Variants in XYLT1 observed in about 807,000 individuals in gnomAD.
The protein encoded by XYLT1 is xylosyltransferase 1.
In XYLT1, 36 loss-of-function variants were observed where a neutral mutation model predicts 91.3. The ratio of observed to expected loss-of-function variants is 0.39; its 90% confidence interval spans 0.30 to 0.52. XYLT1 has a LOEUF of 0.52. XYLT1 is among the 20% of genes least tolerant of loss of function. The pLI, the probability that XYLT1 is intolerant of heterozygous loss-of-function variation, is 0.68. For missense variants in XYLT1, 1,242 were observed against 1,284.5 expected, an observed-to-expected ratio of 0.97 and a Z score of 0.51; for synonymous variants, 588 against 532.0, an observed-to-expected ratio of 1.11 and a Z score of -1.45.
rs536812624 is a variant in XYLT1 at position 17,104,121 on chromosome 16, A to T, written c.*4574T>A. 1 of 152,896 alleles carries T rather than the reference A, an allele frequency of 6.5e-6. No individual in the cohort carries two copies. Among genetic ancestry groups the T allele is most frequent in the Admixed American group, 6.5e-5 (1 of 15,308 alleles). 9.5% of individuals were successfully genotyped at this position (152,896 alleles called of 1,614,324 possible). A position where few individuals can be genotyped will look rare whatever the true frequency, so the allele number is the denominator to read the frequency against. ...TAAGGTAACTGAGGCAGAAGCAAAC[A>T]GGACATCCCGTGAGCCAGCACAGCT... On this transcript the variant is annotated 3_prime_UTR_variant, in exon 12 of 12. Coordinates refer to ENST00000261381, the MANE Select transcript of XYLT1 (RefSeq NM_022166.4).
chr16:17,391,066 A>G (rs951896426), intron 1 of XYLT1, among the ~76,000 whole-genome samples: 3 of 152,104 alleles, frequency 2.0e-5, no homozygotes, highest in Non-Finnish European at 4.4e-5. Flanking sequence ...ACAAACAAAC[A>G]AAAAACCTGA....
At chr16:17,310,993 A>T (rs529333143) in intron 2 of XYLT1, among the ~76,000 whole-genome samples, 48 of 152,296 alleles carry the variant, frequency 3.2e-4, no homozygotes, top group African/African-American at 1.1e-3. Flanking sequence ...GAGCACGGAG[A>T]AAAAGGTGAA....
intron 6 of XYLT1, among the ~76,000 whole-genome samples, chr16:17,154,300 G>A (rs1597155763): frequency 2.0e-5 from 3 of 152,198 alleles, no homozygotes; most frequent in Non-Finnish European, 4.4e-5. Flanking sequence ...CTATGCTCTG[G>A]CACTTCACAC....
chr16:17,120,771 GA>G (rs1470486317), intron 10 of XYLT1, among the ~76,000 whole-genome samples: 3 of 152,134 alleles, frequency 2.0e-5, no homozygotes, highest in Admixed American at 6.5e-5. Flanking sequence ...TCTAGTGTCT[GA>G]AACAGTGCTG....
intron 11 of XYLT1, among the ~76,000 whole-genome samples, chr16:17,117,168 T>C (rs1461703064): frequency 6.6e-6 from 1 of 152,206 alleles, no homozygotes; most frequent in Non-Finnish European, 1.5e-5. Context: ...TTGGCCAACT[T>C]CTGATGAATA....
At chr16:17,458,590 C>T (rs990857959) in intron 1 of XYLT1, among the ~76,000 whole-genome samples, 1 of 152,080 alleles carries the variant, frequency 6.6e-6, no homozygotes, top group African/African-American at 2.4e-5. Flanking sequence ...AACTTCAGAA[C>T]AAAACAGCAC....
At position 17,230,913 on chromosome 16, in the gene XYLT1, C is replaced by T. The variant is rs113880485; in HGVS notation, c.913+28075G>A. 5.0e-3 allele frequency among the ~76,000 whole-genome samples: 754 copies of T among 152,236 alleles called. 3 individuals are homozygous for T. Among genetic ancestry groups the T allele is most frequent in the Non-Finnish European group, 7.9e-3 (534 of 68,000 alleles). ...ACTACCGGCACCTAGTAAGTCGAGG[C>T]CAAAGGCATCCAAGGGGCACAGGAT... is the stretch of plus-strand genomic sequence containing the variant. On this transcript the variant is annotated intron_variant, in intron 3 of 11. Transcript: ENST00000261381.
At chr16:17,414,002 T>C (rs1350485945) in intron 1 of XYLT1, among the ~76,000 whole-genome samples, 2 of 152,122 alleles carry the variant, frequency 1.3e-5, no homozygotes, top group South Asian at 2.1e-4. Flanking sequence ...TTCAAGCCGG[T>C]CAATCCCAAA....
At chr16:17,288,681 G>A (rs1328282982) in intron 2 of XYLT1, among the ~76,000 whole-genome samples, 1 of 152,134 alleles carries the variant, frequency 6.6e-6, no homozygotes. Context: ...CCCTGTCACT[G>A]CCATTTGCTC....
At chr16:17,139,649 G>C (rs1260225331) in intron 7 of XYLT1, among the ~76,000 whole-genome samples, 5 of 152,166 alleles carry the variant, frequency 3.3e-5, no homozygotes, top group Admixed American at 3.3e-4. Context: ...AGCCCAGGGA[G>C]GCATACATTC....
intron 10 of XYLT1, among the ~76,000 whole-genome samples, chr16:17,121,962 G>GTA (rs762933494): frequency 0.11 from 16,889 of 150,246 alleles, 1,767 homozygotes; most frequent in African/African-American, 0.27. Context: ...ATTCCATGGG[G>GTA]TATATATATA....
At chr16:17,276,054 G>A (rs1776330683) in intron 2 of XYLT1, among the ~76,000 whole-genome samples, 1 of 152,206 alleles carries the variant, frequency 6.6e-6, no homozygotes, top group African/African-American at 2.4e-5. Flanking sequence ...ACCATTTGGG[G>A]TGGGGAGAGA....
At chr16:17,424,603 G>C (rs889218570) in intron 1 of XYLT1, among the ~76,000 whole-genome samples, 1 of 152,042 alleles carries the variant, frequency 6.6e-6, no homozygotes, top group Non-Finnish European at 1.5e-5. Flanking sequence ...GGGTGCGGTG[G>C]CTCATGCCGT....
chr16:17,378,163 T>C (rs1262422306), intron 1 of XYLT1, among the ~76,000 whole-genome samples: 2 of 152,172 alleles, frequency 1.3e-5, no homozygotes, highest in African/African-American at 2.4e-5. Context: ...GCAGGCAACT[T>C]TGGAGAGGAT....
intron 11 of XYLT1, among the ~76,000 whole-genome samples, chr16:17,115,981 A>G (rs948616938): frequency 1.8e-5 from 1 of 55,246 alleles, no homozygotes; most frequent in African/African-American, 5.7e-5. Context: ...CTTAGAAAGT[A>G]AAAAAAAAAA....
intron 1 of XYLT1, among the ~76,000 whole-genome samples, chr16:17,453,433 G>C (rs1249908838): frequency 2.0e-5 from 3 of 152,100 alleles, no homozygotes; most frequent in Non-Finnish European, 1.5e-5. Context: ...TGGATCCTAG[G>C]GTATCCTAAT....
chr16:17,255,889 T>C (rs1252695558), intron 3 of XYLT1, among the ~76,000 whole-genome samples: 1 of 152,060 alleles, frequency 6.6e-6, no homozygotes, highest in Non-Finnish European at 1.5e-5. Context: ...GCACCTGTAA[T>C]CTCAGCTACT....
At chr16:17,348,224 G>A (rs1239674332) in intron 2 of XYLT1, among the ~76,000 whole-genome samples, 1 of 152,142 alleles carries the variant, frequency 6.6e-6, no homozygotes, top group Non-Finnish European at 1.5e-5. Context: ...ACAGCAGGAG[G>A]AGGCACAAAG....
rs567423741 is a variant in XYLT1, at chr16:17,137,943, G to GAAAAGCTCAGCCCTAGATA, written c.1764+393_1764+411dup. 8.5e-5 allele frequency among the ~76,000 whole-genome samples: 13 copies of GAAAAGCTCAGCCCTAGATA among 152,276 alleles called. No individual in the cohort carries two copies. The East Asian group carries it at 2.5e-3, about 29-fold the overall frequency. ...CCACAATGGCAAGAGTTCTGAGGTT[G>GAAAAGCTCAGCCCTAGATA]AAAAGCTCAGCCCTAGATATATACT... On this transcript the variant is annotated intron_variant, in intron 8 of 11. Coordinates refer to ENST00000261381, the MANE Select transcript of XYLT1 (RefSeq NM_022166.4).
Sources: gnomAD v4.1 joint callset for allele counts (sites outside exome capture counted in the v4.1 genomes callset) on GRCh38, gnomAD v4.1.1 for gene constraint, MANE v1.5 for transcripts, NCBI Gene and HGNC (gene_info 2026-07-23, HGNC 2026-07-21) for gene names.